Variants in TMEM106B observed in about 807,000 individuals in gnomAD.
TMEM106B encodes transmembrane protein 106B.
TMEM106B carries 15 observed loss-of-function variants against 31.1 expected under a neutral mutation model. The observed-to-expected ratio is 0.48, with a 90% CI of 0.32 to 0.74. TMEM106B has a LOEUF of 0.74. TMEM106B is among the 30% of genes least tolerant of loss of function. TMEM106B has a pLI of 0.03. For synonymous variants in TMEM106B, 126 were observed against 112.5 expected (o/e 1.12, Z -0.76); for missense variants, 283 against 327.3 (o/e 0.86, Z 1.04).
intron 2 of TMEM106B, 78 bp downstream of exon 2, chr7:12,215,105 G>T: frequency 8.0e-7 from 1 of 1,247,160 alleles, no homozygotes; most frequent in Non-Finnish European, 1.1e-6. Flanking sequence ...TGGGTCTCAG[G>T]AACCACCTGT....
chr7:12,226,121 A>G (rs1160442932), intron 4 of TMEM106B, among the ~76,000 whole-genome samples: 2 of 127,312 alleles, frequency 1.6e-5, no homozygotes, highest in Non-Finnish European at 3.2e-5. Context: ...ACCATTTATT[A>G]AATAGGGAAT....
At position 12,237,806 on chromosome 7, in the gene TMEM106B, A is replaced by AATAT. The variant is rs746818437; in HGVS notation, c.*5835_*5838dup. The AATAT allele has an allele frequency of 2.9e-5, 3 of 103,562 alleles. No individual in the cohort carries two copies. The highest frequency in any genetic ancestry group is 5.7e-5 in the Non-Finnish European group (3 of 52,410). The allele number at this position is 103,562 out of a possible 1,614,324, so 6.4% of individuals were successfully genotyped here. On this transcript the variant is annotated 3_prime_UTR_variant, in exon 8 of 8. Transcript: ENST00000396668. ...GTCAACATGGCGAGACCCCATATAAAATATATACATACACACACACACACA... is the reference window on the plus strand; with the variant it reads ...GTCAACATGGCGAGACCCCATATAAAATATATATATACATACACACACACACACA...
intron 4 of TMEM106B, among the ~76,000 whole-genome samples, chr7:12,224,793 ATTCC>A (rs564011956): frequency 1.3e-5 from 2 of 151,954 alleles, no homozygotes; most frequent in East Asian, 3.9e-4. Context: ...TTAATAGACC[ATTCC>A]TTTATCAGCT....
rs1782101347 is a variant in TMEM106B, at chr7:12,234,984, T to C, written c.*3009T>C. The C allele has an allele frequency of 6.6e-6, 1 of 151,918 alleles. No individual in the cohort carries two copies. Among genetic ancestry groups the C allele is most frequent in the Admixed American group, 6.6e-5 (1 of 15,216 alleles). 9.4% of individuals were successfully genotyped at this position (151,918 alleles called of 1,614,324 possible). A position where few individuals can be genotyped will look rare whatever the true frequency, so the allele number is the denominator to read the frequency against. On this transcript the variant is annotated 3_prime_UTR_variant, in exon 8 of 8. Coordinates refer to ENST00000396668, the MANE Select transcript of TMEM106B (RefSeq NM_001134232.2). ...CAAGTATCTCTGTCTCCCATATCTG[T>C]GTTCTATCATTTAAAATATATATTG... is the stretch of plus-strand genomic sequence containing the variant.
chr7:12,230,764 A>G, intron 6 of TMEM106B: 1 of 326,892 alleles, frequency 3.1e-6, no homozygotes, highest in Non-Finnish European at 5.5e-6. Context: ...AAGCGTAGAT[A>G]CAGACTTTTA....
chr7:12,221,787 G>C lies in TMEM106B; in HGVS notation c.282-2439G>C, dbSNP rs571517661. 2.0e-5 allele frequency among the ~76,000 whole-genome samples: 3 copies of C among 152,246 alleles called. No homozygotes were observed. In the East Asian group the frequency reaches 5.8e-4, roughly 29 times the overall value. ...CAGAAAGCCAAAATGACTAGAGTTA[G>C]CAGGGCAGAGTACCAGAAGGTAGAG... On this transcript the variant is annotated intron_variant, in intron 3 of 7. Coordinates refer to ENST00000396668, the MANE Select transcript of TMEM106B (RefSeq NM_001134232.2).
chr7:12,224,998 C>T (rs1781870973), intron 4 of TMEM106B, among the ~76,000 whole-genome samples: 1 of 152,008 alleles, frequency 6.6e-6, no homozygotes, highest in South Asian at 2.1e-4. Context: ...GGTATTTCTC[C>T]TAATGCTATC....
chr7:12,232,009 C>T lies in TMEM106B; in HGVS notation c.*34C>T. ...AGAGATGGATTTAAAGAAGAAATATCTATTGATATTTCCTATACTCTCAAT... is the reference window on the plus strand; with the variant it reads ...AGAGATGGATTTAAAGAAGAAATATTTATTGATATTTCCTATACTCTCAAT... On this transcript the variant is annotated 3_prime_UTR_variant, in exon 8 of 8. Transcript: ENST00000396668. 1 of 1,597,240 alleles carries T rather than the reference C, an allele frequency of 6.3e-7. No homozygotes were observed. Among genetic ancestry groups the T allele is most frequent in the Non-Finnish European group, 8.6e-7 (1 of 1,168,204 alleles).
In TMEM106B at chr7:12,241,786, C is replaced by G. The variant is rs575449732; in HGVS notation, c.*9811C>G. The G allele has an allele frequency of 6.6e-6, 1 of 152,134 alleles. No individual in the cohort carries two copies. Among genetic ancestry groups the G allele is most frequent in the African/African-American group, 2.4e-5 (1 of 41,416 alleles). The allele number at this position is 152,134 out of a possible 1,614,324, so 9.4% of individuals were successfully genotyped here. A position where few individuals can be genotyped will look rare whatever the true frequency, so the allele number is the denominator to read the frequency against. On this transcript the variant is annotated 3_prime_UTR_variant, in exon 8 of 8. Transcript: ENST00000396668. The stretch of plus-strand genomic sequence containing the variant: ...ACACCCAGTAATGGGATTGCTGGGT[C>G]AAATGGTATTTCTGGTTCTAGATCC...
chr7:12,233,225 A>G lies in TMEM106B; in HGVS notation c.*1250A>G, dbSNP rs1201476595. ...AACTTTGCTGTTTTATATTTTCAGTATCATTTTTCATTTTTTTTTTTTTTT... is the reference window on the plus strand; with the variant it reads ...AACTTTGCTGTTTTATATTTTCAGTGTCATTTTTCATTTTTTTTTTTTTTT... On this transcript the variant is annotated 3_prime_UTR_variant, in exon 8 of 8. Coordinates refer to ENST00000396668, the MANE Select transcript of TMEM106B (RefSeq NM_001134232.2). 2 of 130,300 alleles carry G rather than the reference A, an allele frequency of 1.5e-5. No individual in the cohort carries two copies. Among genetic ancestry groups the G allele is most frequent in the Non-Finnish European group, 3.2e-5 (2 of 63,392 alleles). 8.1% of individuals were successfully genotyped at this position (130,300 alleles called of 1,614,324 possible).
intron 3 of TMEM106B, among the ~76,000 whole-genome samples, chr7:12,219,266 C>CATCTCAAAACTGTGGAGATA (rs1309813371): frequency 6.6e-6 from 1 of 152,138 alleles, no homozygotes; most frequent in East Asian, 1.9e-4. Context: ...TTAGGGAGAT[C>CATCTCAAAACTGTGGAGATA]ATCTCAAAAC....
rs1029004138 is a variant in TMEM106B at position 12,235,731 on chromosome 7, T to G, written c.*3756T>G. ...TCTTTATATAATAATTATATTTTAT[T>G]TAAGAAAATAGTTTGTTAGGTACTT... On this transcript the variant is annotated 3_prime_UTR_variant, in exon 8 of 8. Coordinates refer to ENST00000396668, the MANE Select transcript of TMEM106B (RefSeq NM_001134232.2). The G allele has an allele frequency of 6.6e-6, 1 of 151,792 alleles. No individual in the cohort carries two copies. The highest frequency in any genetic ancestry group is 2.4e-5 in the African/African-American group (1 of 41,410). The allele number at this position is 151,792 out of a possible 1,614,324, so 9.4% of individuals were successfully genotyped here.
chr7:12,216,348 C>A (rs571543516), intron 2 of TMEM106B, among the ~76,000 whole-genome samples: 35 of 148,520 alleles, frequency 2.4e-4, no homozygotes, highest in Non-Finnish European at 4.1e-4. Context: ...GTTTGAGCAA[C>A]TGAAAGAATG....
chr7:12,225,912 T>C (rs894689698), intron 4 of TMEM106B, among the ~76,000 whole-genome samples: 7 of 152,216 alleles, frequency 4.6e-5, no homozygotes, highest in Non-Finnish European at 8.8e-5. Flanking sequence ...TTTGGTGTTT[T>C]AGTCATGAAG....
Position 12,242,090 on chromosome 7 carries a change from C to G in TMEM106B, c.*10115C>G, listed in dbSNP as rs1354595790. 4.7e-5 allele frequency: 5 copies of G among 106,294 alleles called. 1 individual carries two copies. The highest frequency in any genetic ancestry group is 3.6e-5 in the Non-Finnish European group (2 of 55,762). 6.6% of individuals were successfully genotyped at this position (106,294 alleles called of 1,614,324 possible). A position where few individuals can be genotyped will look rare whatever the true frequency, so the allele number is the denominator to read the frequency against. The stretch of plus-strand genomic sequence containing the variant: ...TAATTCTTAAATTAAAAAAAAATAC[C>G]CGGCCGGGCACGGTGGCTCACGCCT... On this transcript the variant is annotated 3_prime_UTR_variant, in exon 8 of 8. Coordinates refer to ENST00000396668, the MANE Select transcript of TMEM106B (RefSeq NM_001134232.2).
At chr7:12,230,053 C>A (rs1583220375) in intron 5 of TMEM106B, among the ~76,000 whole-genome samples, 1 of 150,950 alleles carries the variant, frequency 6.6e-6, no homozygotes, top group African/African-American at 2.4e-5. Flanking sequence ...CTCATCTCTA[C>A]AAAAAAATAC....
intron 4 of TMEM106B, among the ~76,000 whole-genome samples, 185 bp from the exon 5 acceptor site, chr7:12,229,494 G>T (rs1333390533): frequency 1.3e-5 from 2 of 151,656 alleles, no homozygotes; most frequent in Non-Finnish European, 2.9e-5. Flanking sequence ...TTTATTCTTG[G>T]CATATTACAT....
chr7:12,229,722 T>C lies in TMEM106B; in HGVS notation c.485T>C (p.Val162Ala). Reference protein sequence around the residue: ...ITNNNYYSVEVENITAQVQFS... With the variant: ...ITNNNYYSVEAENITAQVQFS... ...AACAATAACTATTACTCTGTCGAAGTTGAAAACATCACTGCCCAAGTTCAA... is the reference window on the plus strand; with the variant it reads ...AACAATAACTATTACTCTGTCGAAGCTGAAAACATCACTGCCCAAGTTCAA... Residue 162 changes from valine to alanine, a missense_variant, in exon 5 of 8, where the codon GTT becomes GCT. By Grantham distance (64) the Val-to-Ala change is moderately conservative. Coordinates refer to ENST00000396668, the MANE Select transcript of TMEM106B (RefSeq NM_001134232.2). 1.2e-6 allele frequency: 2 copies of C among 1,612,934 alleles called. No homozygotes were observed. The highest frequency in any genetic ancestry group is 1.7e-6 in the Non-Finnish European group (2 of 1,179,602).
chr7:12,221,406 G>A (rs1781785665), intron 3 of TMEM106B, among the ~76,000 whole-genome samples: 1 of 152,110 alleles, frequency 6.6e-6, no homozygotes, highest in Non-Finnish European at 1.5e-5. Context: ...AAGTTATTAT[G>A]TAAATGCCTT....
Sources: allele counts gnomAD v4.1 joint callset (sites outside exome capture counted in the v4.1 genomes callset), GRCh38; gene constraint gnomAD v4.1.1; transcripts MANE v1.5; gene names NCBI Gene and HGNC (gene_info 2026-07-23, HGNC 2026-07-21).